RGS6: variants seen among roughly 807,000 people sequenced by gnomAD.
RGS6 encodes regulator of G protein signaling 6.
In RGS6, 30 loss-of-function variants were observed where a neutral mutation model predicts 78.5. That is an observed-to-expected ratio of 0.38 (90% CI 0.29 to 0.52). The LOEUF (loss-of-function observed/expected upper bound fraction) is 0.52. RGS6 is among the 20% of genes least tolerant of loss of function. The pLI is 0.85. For missense variants in RGS6, 495 were observed against 609.7 expected (o/e 0.81, Z 1.98); for synonymous variants, 206 against 206.0 (o/e 1.00, Z 0.00).
At chr14:72,499,856 C>T (rs1394363929) in intron 13 of RGS6, among the ~76,000 whole-genome samples, 1 of 152,110 alleles carries the variant, frequency 6.6e-6, no homozygotes, top group Non-Finnish European at 1.5e-5. Flanking sequence ...CTCATCCCTC[C>T]AGCTGTTCTA....
chr14:72,383,122 G>A lies in RGS6; in HGVS notation c.184+30928G>A, dbSNP rs373981824. On this transcript the variant is annotated intron_variant, in intron 3 of 17. Transcript: ENST00000553525. ...CATTTTGCAATTAAAATTTTTTCAA[G>A]AGTTTACAGTTATATAAACATATAT... is the stretch of plus-strand genomic sequence containing the variant. Among the ~76,000 whole-genome samples, 4 of 142,190 alleles carry A rather than the reference G, an allele frequency of 2.8e-5. No individual in the cohort carries two copies. The East Asian group carries it at 6.1e-4, about 22-fold the overall frequency. The allele number at this position is 142,190 out of a possible 152,430, so 93.3% of individuals were successfully genotyped here.
chr14:72,539,159 CTCTCTTCCT>C (rs2097288489), intron 16 of RGS6, among the ~76,000 whole-genome samples: 1 of 152,216 alleles, frequency 6.6e-6, no homozygotes, highest in Non-Finnish European at 1.5e-5. Flanking sequence ...CACCCCACAC[CTCTCTTCCT>C]CCTGTAGTAG....
At chr14:72,302,848 C>T (rs761388693) in intron 2 of RGS6, among the ~76,000 whole-genome samples, 2 of 152,170 alleles carry the variant, frequency 1.3e-5, no homozygotes, top group Non-Finnish European at 2.9e-5. Flanking sequence ...GGGAGGGACC[C>T]AGTGGGAGGT....
chr14:72,585,040 TGTC>T, the RGS6 span, among the ~76,000 whole-genome samples: 1 of 147,854 alleles, frequency 6.8e-6, no homozygotes, highest in East Asian at 1.9e-4. Flanking sequence ...CCAAGCATTA[TGTC>T]GTCTTCATTT....
intron 2 of RGS6, among the ~76,000 whole-genome samples, chr14:72,100,409 C>G (rs1018607804): frequency 1.3e-5 from 2 of 152,110 alleles, no homozygotes; most frequent in African/African-American, 2.4e-5. Flanking sequence ...GCAGGAGAAT[C>G]GCTTGAACCT....
the RGS6 span, chr14:72,612,743 A>G: frequency 2.5e-6 from 1 of 393,352 alleles, no homozygotes; most frequent in South Asian, 1.9e-5. Context: ...GAAGTACCCA[A>G]CTATTGCCAA....
chr14:72,349,409 AC>A (rs2078696594), intron 2 of RGS6, among the ~76,000 whole-genome samples: 1 of 152,020 alleles, frequency 6.6e-6, no homozygotes. Flanking sequence ...ATTCAATAAC[AC>A]CCCAGTAGCC....
chr14:72,585,374 G>C, the RGS6 span, among the ~76,000 whole-genome samples: 51,706 of 152,036 alleles, frequency 0.34, 9,971 homozygotes, highest in East Asian at 0.75. Flanking sequence ...CTCTGAGATG[G>C]ATATTAACAT....
intron 3 of RGS6, among the ~76,000 whole-genome samples, chr14:72,370,998 T>A (rs776616568): frequency 2.0e-5 from 3 of 152,216 alleles, no homozygotes; most frequent in Non-Finnish European, 4.4e-5. Flanking sequence ...TTCATAAGTT[T>A]ATTTCCAAAG....
intron 2 of RGS6, among the ~76,000 whole-genome samples, chr14:72,206,611 G>A (rs1001933570): frequency 1.3e-5 from 2 of 152,102 alleles, no homozygotes; most frequent in Non-Finnish European, 2.9e-5. Context: ...GAGGAAAGGA[G>A]GAGCAAGTCA....
chr14:72,136,311 A>G (rs2096439770), intron 2 of RGS6, among the ~76,000 whole-genome samples: 1 of 152,178 alleles, frequency 6.6e-6, no homozygotes, highest in Non-Finnish European at 1.5e-5. Context: ...GCATAGAGCG[A>G]ATATGTGGTT....
At chr14:72,297,337 A>G (rs981204445) in intron 2 of RGS6, among the ~76,000 whole-genome samples, 6 of 151,964 alleles carry the variant, frequency 3.9e-5, no homozygotes, top group Non-Finnish European at 4.4e-5. Context: ...ATTGAGATCT[A>G]TTAAGTCATT....
At chr14:72,403,646 G>A (rs544736162) in intron 3 of RGS6, among the ~76,000 whole-genome samples, 79 of 152,176 alleles carry the variant, frequency 5.2e-4, no homozygotes, top group Non-Finnish European at 7.9e-4. Context: ...GGTGATGGAT[G>A]TGTTAATTAC....
chr14:72,423,456 TGTG>T (rs2094294817), intron 3 of RGS6, among the ~76,000 whole-genome samples: 1 of 151,824 alleles, frequency 6.6e-6, no homozygotes, highest in Non-Finnish European at 1.5e-5. Context: ...TAAAAAAAAA[TGTG>T]GTACACATAC....
At chr14:72,597,550 A>G in the RGS6 span, among the ~76,000 whole-genome samples, 1 of 152,214 alleles carries the variant, frequency 6.6e-6, no homozygotes, top group Non-Finnish European at 1.5e-5. Flanking sequence ...CTGAATTAAT[A>G]GATGTTTTGT....
chr14:72,206,417 AG>A (rs2042717767), intron 2 of RGS6, among the ~76,000 whole-genome samples: 1 of 152,192 alleles, frequency 6.6e-6, no homozygotes. Flanking sequence ...CTATAGGAAA[AG>A]ATATATACAT....
At chr14:72,579,067 A>G in the RGS6 span, among the ~76,000 whole-genome samples, 3 of 151,768 alleles carry the variant, frequency 2.0e-5, no homozygotes, top group East Asian at 1.9e-4. Context: ...TACTCCTTCT[A>G]CTCTACTCCA....
At chr14:72,249,348 C>T (rs1454668828) in intron 2 of RGS6, among the ~76,000 whole-genome samples, 2 of 152,210 alleles carry the variant, frequency 1.3e-5, no homozygotes, top group Admixed American at 6.5e-5. Context: ...GTGATTTAGA[C>T]ATTTTCCTCT....
intron 2 of RGS6, among the ~76,000 whole-genome samples, chr14:72,172,264 G>T (rs1304587452): frequency 6.6e-6 from 1 of 151,084 alleles, no homozygotes; most frequent in Non-Finnish European, 1.5e-5. Context: ...CTTTCGAGAT[G>T]ATGTCATAGT....
Sources: allele counts gnomAD v4.1 joint callset (sites outside exome capture counted in the v4.1 genomes callset), GRCh38; gene constraint gnomAD v4.1.1; transcripts MANE v1.5; gene names NCBI Gene and HGNC (gene_info 2026-07-23, HGNC 2026-07-21).